MTMR9: variants seen among roughly 807,000 people sequenced by gnomAD.
MTMR9 encodes myotubularin related protein 9, also known as myotubularin-related protein 9.
MTMR9 carries 39 observed loss-of-function variants against 69.5 expected under a neutral mutation model. The observed-to-expected ratio is 0.56, with a 90% CI of 0.43 to 0.73. The LOEUF (loss-of-function observed/expected upper bound fraction) is 0.73, where lower values mean the gene tolerates loss of function less well. Among genes scored for constraint, MTMR9 ranks in the 30% least tolerant of loss-of-function variants. The probability of loss-of-function intolerance (pLI) is 0.00; values close to 1 mark genes in which losing one functional copy is unlikely to be tolerated. For synonymous variants in MTMR9, 354 were observed against 240.8 expected, an observed-to-expected ratio of 1.47 and a Z score of -4.35; for missense variants, 900 against 671.2, an observed-to-expected ratio of 1.34 and a Z score of -3.77.
intron 3 of MTMR9, among the ~76,000 whole-genome samples, chr8:11,302,296 AAG>A (rs1199753090): frequency 6.7e-6 from 1 of 149,010 alleles, no homozygotes; most frequent in African/African-American, 2.5e-5. Flanking sequence ...AAAAAAAAAA[AAG>A]GTGATGATAG....
intron 6 of MTMR9, among the ~76,000 whole-genome samples, chr8:11,312,016 C>G (rs757732680): frequency 3.2e-4 from 49 of 151,918 alleles, no homozygotes; most frequent in South Asian, 4.2e-4. Flanking sequence ...CATGAAATTG[C>G]AGCAATTCAG....
chr8:11,317,008 A>T, intron 8 of MTMR9, 115 bp downstream of exon 8: 1 of 587,956 alleles, frequency 1.7e-6, no homozygotes, highest in Non-Finnish European at 2.9e-6. Context: ...TTATTTATAA[A>T]AAGGTAGAGG....
In MTMR9 at chr8:11,322,627, A is replaced by G. The variant is rs372683194; in HGVS notation, c.1489A>G (p.Ile497Val). ...TTTTCCATTCCTGGATTCAATAGGT[A>G]TTTTCCTACGTTGGAATAGATCCTC... ...APQSLPLWEG[I>V]FLRWNRSSKY... The change falls in exon 10 of 10, where the codon ATT becomes GTT. Residue 497 changes from isoleucine to valine, a missense_variant and splice_region_variant. Transcript: ENST00000221086. The G allele has an allele frequency of 9.9e-6, 16 of 1,612,946 alleles. No individual in the cohort carries two copies. The African/African-American group carries it at 1.3e-4, about 13-fold the overall frequency.
In MTMR9 at chr8:11,323,738, T is replaced by G. The variant is rs1800798636; in HGVS notation, c.*950T>G. ...TGTTTTATTGTGTGTTTTTTTAATTTGTAAGTATTCTAAGAGTTTCCTAAT... is the reference window on the plus strand; with the variant it reads ...TGTTTTATTGTGTGTTTTTTTAATTGGTAAGTATTCTAAGAGTTTCCTAAT... On this transcript the variant is annotated 3_prime_UTR_variant, in exon 10 of 10. Transcript: ENST00000221086. 1 of 152,234 alleles carries G rather than the reference T, an allele frequency of 6.6e-6. No individual in the cohort carries two copies. Among genetic ancestry groups the G allele is most frequent in the African/African-American group, 2.4e-5 (1 of 41,460 alleles). 9.4% of individuals were successfully genotyped at this position (152,234 alleles called of 1,614,324 possible).
chr8:11,331,798 T>C, downstream of MTMR9: 1 of 1,611,784 alleles, frequency 6.2e-7, no homozygotes, highest in Non-Finnish European at 8.5e-7. Context: ...TTGGTGGGGC[T>C]GCTGGGCTGT....
intron 6 of MTMR9, among the ~76,000 whole-genome samples, chr8:11,314,326 T>A (rs1800322534): frequency 6.6e-6 from 1 of 152,214 alleles, no homozygotes; most frequent in African/African-American, 2.4e-5. Context: ...CACTTCTGAG[T>A]CTCATGATGC....
chr8:11,319,084 GAAAAATTAAAATA>G (rs1441607588), intron 8 of MTMR9: 1 of 150,514 alleles, frequency 6.6e-6, no homozygotes, highest in Non-Finnish European at 1.5e-5. Context: ...ATAACTTATG[GAAAAATTAAAATA>G]AAAAATTAAA....
At chr8:11,302,526 A>G (rs1799786816) in intron 3 of MTMR9, among the ~76,000 whole-genome samples, 1 of 152,174 alleles carries the variant, frequency 6.6e-6, no homozygotes, top group Admixed American at 6.5e-5. Flanking sequence ...AGAGGAAAAA[A>G]GTTTGATCAA....
At chr8:11,290,795 A>G (rs1799354874) in intron 1 of MTMR9, among the ~76,000 whole-genome samples, 1 of 149,092 alleles carries the variant, frequency 6.7e-6, no homozygotes, top group Non-Finnish European at 1.5e-5. Flanking sequence ...TGTCATCATC[A>G]TATTCTCTTT....
intron 1 of MTMR9, among the ~76,000 whole-genome samples, chr8:11,287,557 C>T (rs1458220268): frequency 6.6e-6 from 1 of 151,204 alleles, no homozygotes; most frequent in Non-Finnish European, 1.5e-5. Flanking sequence ...ACCTGTTTTC[C>T]ACGTGCATTG....
chr8:11,336,566 CA>C, the MTMR9 span, among the ~76,000 whole-genome samples: 1 of 152,208 alleles, frequency 6.6e-6, no homozygotes, highest in Non-Finnish European at 1.5e-5. Context: ...GGCAGCCAGC[CA>C]AACCATTATT....
chr8:11,297,994 C>T (rs1419875599), intron 2 of MTMR9: 4 of 455,514 alleles, frequency 8.8e-6, no homozygotes, highest in African/African-American at 8.0e-5. Context: ...GCTGAGCTGT[C>T]CTTTGTAATT....
intron 3 of MTMR9, among the ~76,000 whole-genome samples, chr8:11,303,773 A>G (rs555015630): frequency 2.0e-5 from 3 of 152,218 alleles, no homozygotes; most frequent in Non-Finnish European, 2.9e-5. Context: ...AACTCAAGCA[A>G]TTTGCCTGCC....
intron 1 of MTMR9, chr8:11,285,294 T>G (rs1585101137): frequency 2.1e-6 from 1 of 466,866 alleles, no homozygotes; most frequent in Non-Finnish European, 3.8e-6. Flanking sequence ...GTGTGGCTGG[T>G]ACCATCCTGA....
At chr8:11,314,837 G>T in intron 6 of MTMR9, 86 bp from the exon 7 acceptor site, 1 of 1,315,764 alleles carries the variant, frequency 7.6e-7, no homozygotes, top group Non-Finnish European at 1.1e-6. Flanking sequence ...CTAAAATGTT[G>T]TGCTCAATAA....
chr8:11,306,418 C>T lies in MTMR9; in HGVS notation c.809+11C>T, dbSNP rs1370001307. The T allele has an allele frequency of 6.2e-7, 1 of 1,611,028 alleles. No homozygotes were observed. Among genetic ancestry groups the T allele is most frequent in the East Asian group, 2.2e-5 (1 of 44,852 alleles). ...TAAGTCCATTGAGAGGTAAAAGATTCCAAAGATAGTACAGACTCTTATTAG... is the reference window on the plus strand; with the variant it reads ...TAAGTCCATTGAGAGGTAAAAGATTTCAAAGATAGTACAGACTCTTATTAG... On this transcript the variant is annotated intron_variant, in intron 5 of 9. Transcript: ENST00000221086.
chr8:11,287,714 A>G (rs145842191), intron 1 of MTMR9, among the ~76,000 whole-genome samples: 3,217 of 137,344 alleles, frequency 0.023, 129 homozygotes, highest in African/African-American at 0.081. Context: ...TATATATATT[A>G]TAATATATAT....
At chr8:11,332,238 G>A, downstream of MTMR9, 1 of 1,456,538 alleles carries the variant, frequency 6.9e-7, no homozygotes. Context: ...AGGAAAGAGT[G>A]AAAGTCTAAC....
intron 8 of MTMR9, chr8:11,317,467 T>C (rs1800473002): frequency 1.3e-5 from 2 of 152,310 alleles, no homozygotes; most frequent in South Asian, 4.1e-4. Flanking sequence ...AGGCGCACCC[T>C]AGATTCCCCA....
Sources: allele counts gnomAD v4.1 joint callset (sites outside exome capture counted in the v4.1 genomes callset), GRCh38; gene constraint gnomAD v4.1.1; transcripts MANE v1.5; gene names NCBI Gene and HGNC (gene_info 2026-07-23, HGNC 2026-07-21).